FBXO11: variants seen among roughly 807,000 people sequenced by gnomAD.
FBXO11 encodes F-box protein 11.
Under a neutral mutation model 117.0 loss-of-function variants are expected in FBXO11, and 13 were observed. That is an observed-to-expected ratio of 0.11 (90% CI 0.07 to 0.18). FBXO11 has a LOEUF of 0.18. FBXO11 is among the 10% of genes least tolerant of loss of function. FBXO11 has a pLI of 1.00. For synonymous variants in FBXO11, 490 were observed against 380.5 expected (o/e 1.29, Z -3.35); for missense variants, 767 against 1,164.4 (o/e 0.66, Z 4.97).
At chr2:47,854,475 T>C (rs1408633739) in intron 1 of FBXO11, among the ~76,000 whole-genome samples, 2 of 151,882 alleles carry the variant, frequency 1.3e-5, no homozygotes, top group Non-Finnish European at 2.9e-5. Context: ...AAACTATGAA[T>C]ACTGGGGGGT....
intron 1 of FBXO11, among the ~76,000 whole-genome samples, chr2:47,845,664 C>CT (rs903106509): frequency 5.9e-5 from 9 of 152,124 alleles, no homozygotes; most frequent in African/African-American, 1.9e-4. Flanking sequence ...GTTATACTTA[C>CT]TTTTTTTATT....
At chr2:47,825,489 G>T (rs1420573463) in intron 11 of FBXO11, among the ~76,000 whole-genome samples, 1 of 151,408 alleles carries the variant, frequency 6.6e-6, no homozygotes, top group Non-Finnish European at 1.5e-5. Flanking sequence ...TCACCCATGA[G>T]GAGGGAGCAC....
At chr2:47,848,972 C>G (rs2103625920) in intron 1 of FBXO11, among the ~76,000 whole-genome samples, 1 of 151,938 alleles carries the variant, frequency 6.6e-6, no homozygotes, top group East Asian at 1.9e-4. Flanking sequence ...AGTTTTTTTC[C>G]CCACAAATAC....
Position 47,807,636 on chromosome 2 carries a change from T to TAA in FBXO11, c.*480_*481dup, listed in dbSNP as rs1202912119. 6 of 221,870 alleles carry TAA rather than the reference T, an allele frequency of 2.7e-5. No homozygotes were observed. Among genetic ancestry groups the TAA allele is most frequent in the Non-Finnish European group, 4.5e-5 (5 of 111,486 alleles). 13.7% of individuals were successfully genotyped at this position (221,870 alleles called of 1,614,324 possible). A position where few individuals can be genotyped will look rare whatever the true frequency, so the allele number is the denominator to read the frequency against. Reference sequence around the variant, plus strand: ...AACAAACTACATGAGATTAAAGCATTAAAATCATATTTCTCAATCTGAATA... The same window carrying TAA: ...AACAAACTACATGAGATTAAAGCATTAAAAAATCATATTTCTCAATCTGAATA... On this transcript the variant is annotated 3_prime_UTR_variant, in exon 23 of 23. Transcript: ENST00000403359.
At chr2:47,882,741 T>G (rs1319376067) in intron 1 of FBXO11, among the ~76,000 whole-genome samples, 3 of 152,202 alleles carry the variant, frequency 2.0e-5, no homozygotes, top group African/African-American at 7.2e-5. Context: ...AATCTCTGCC[T>G]GCTTGGCTCA....
intron 1 of FBXO11, among the ~76,000 whole-genome samples, chr2:47,861,717 G>C (rs17037025): frequency 0.013 from 2,015 of 152,190 alleles, 53 homozygotes; most frequent in African/African-American, 0.045. Context: ...TGGCTTCTGG[G>C]AAAGAGACGT....
chr2:47,860,046 G>C (rs1674630290), intron 1 of FBXO11, among the ~76,000 whole-genome samples: 3 of 152,088 alleles, frequency 2.0e-5, no homozygotes, highest in African/African-American at 4.8e-5. Flanking sequence ...GATAAAATAA[G>C]CTTAGGAGAC....
At chr2:47,844,484 A>C (rs1673255579) in intron 1 of FBXO11, among the ~76,000 whole-genome samples, 1 of 152,088 alleles carries the variant, frequency 6.6e-6, no homozygotes. Context: ...ACCCCTTAGA[A>C]CATATGCAGG....
rs556926271 is a variant in FBXO11 at position 47,829,174 on chromosome 2, C to T, written c.1398+3175G>A. Among the ~76,000 whole-genome samples the T allele has an allele frequency of 1.6e-4, 25 of 152,032 alleles. No homozygotes were observed. The South Asian group carries it at 2.3e-3, about 14-fold the overall frequency. On this transcript the variant is annotated intron_variant, in intron 11 of 22. Transcript: ENST00000403359. ...CCTCCCAAAGTGTTAGGATTACAGG[C>T]GTGACCCACTGCACCCGGCCTCAAA...
chr2:47,866,742 G>T (rs986377146), intron 1 of FBXO11, among the ~76,000 whole-genome samples: 1 of 152,120 alleles, frequency 6.6e-6, no homozygotes, highest in African/African-American at 2.4e-5. Context: ...AAAGTGCTGG[G>T]ATTACAGGCG....
chr2:47,869,230 T>C (rs1284154791), intron 1 of FBXO11, among the ~76,000 whole-genome samples: 2 of 152,234 alleles, frequency 1.3e-5, no homozygotes, highest in Non-Finnish European at 2.9e-5. Context: ...CTTGTCTCTG[T>C]GAGCTTATGC....
At chr2:47,866,604 G>C (rs1393185541) in intron 1 of FBXO11, among the ~76,000 whole-genome samples, 5 of 151,916 alleles carry the variant, frequency 3.3e-5, no homozygotes, top group African/African-American at 1.2e-4. Flanking sequence ...CTCCCGAGTA[G>C]CTAGGATTAC....
chr2:47,855,975 G>A (rs1305930853), intron 1 of FBXO11, among the ~76,000 whole-genome samples: 1 of 152,188 alleles, frequency 6.6e-6, no homozygotes, highest in Non-Finnish European at 1.5e-5. Context: ...GCCAGGCATG[G>A]GGGTGCACAC....
At chr2:47,901,110 T>C (rs1678246026) in intron 1 of FBXO11, among the ~76,000 whole-genome samples, 1 of 112,384 alleles carries the variant, frequency 8.9e-6, no homozygotes. Context: ...TATATGTATA[T>C]ATGTACACAC....
Position 47,853,114 on chromosome 2 carries a change from C to T in FBXO11, c.233-13345G>A, listed in dbSNP as rs551014196. ...TGAGATGGAGTCTTGCTCTGTCACC[C>T]AGGCTACAGTGCAGTGGCACGATCT... On this transcript the variant is annotated intron_variant, in intron 1 of 22. Coordinates refer to ENST00000403359, the MANE Select transcript of FBXO11 (RefSeq NM_001190274.2). Among the ~76,000 whole-genome samples the T allele has an allele frequency of 2.3e-4, 35 of 151,932 alleles. No individual in the cohort carries two copies. The South Asian group carries it at 7.1e-3, about 31-fold the overall frequency.
chr2:47,878,154 T>C (rs967258484), intron 1 of FBXO11, among the ~76,000 whole-genome samples: 4 of 152,116 alleles, frequency 2.6e-5, no homozygotes, highest in African/African-American at 9.7e-5. Context: ...ACATTCTTTT[T>C]CAGTTTTTTC....
intron 1 of FBXO11, among the ~76,000 whole-genome samples, chr2:47,884,122 G>C (rs139461083): frequency 1.3e-3 from 202 of 152,278 alleles, no homozygotes; most frequent in African/African-American, 4.8e-3. Flanking sequence ...GGGAGGCTGA[G>C]GCAGCAGAAT....
chr2:47,895,903 G>C lies in FBXO11; in HGVS notation c.232+9586C>G, dbSNP rs138675988. ...GTAGAGACAGGGTTTCACCATGTTG[G>C]CCAGGCTGGTCTCGAACTCCTGACC... On this transcript the variant is annotated intron_variant, in intron 1 of 22. Transcript: ENST00000403359. Among the ~76,000 whole-genome samples the C allele has an allele frequency of 2.5e-3, 382 of 152,096 alleles. 13 individuals carry two copies. In the East Asian group the frequency reaches 0.067, roughly 27 times the overall value.
intron 1 of FBXO11, among the ~76,000 whole-genome samples, chr2:47,893,630 G>A (rs1402453779): frequency 6.6e-6 from 1 of 152,106 alleles, no homozygotes; most frequent in Non-Finnish European, 1.5e-5. Flanking sequence ...AGTTCCACAA[G>A]GGCAAGAACT....
Sources: gnomAD v4.1 joint callset for allele counts (sites outside exome capture counted in the v4.1 genomes callset) on GRCh38, gnomAD v4.1.1 for gene constraint, MANE v1.5 for transcripts, NCBI Gene and HGNC (gene_info 2026-07-23, HGNC 2026-07-21) for gene names.